LRRTM4: variants seen among roughly 807,000 people sequenced by gnomAD.
LRRTM4 encodes the protein leucine rich repeat transmembrane neuronal 4.
Under a neutral mutation model 47.6 loss-of-function variants are expected in LRRTM4, and 25 were observed. The observed-to-expected ratio is 0.53, with a 90% CI of 0.38 to 0.73. The LOEUF is 0.73. Ranked by LOEUF, LRRTM4 falls within the 30% of genes least tolerant of loss-of-function variation. LRRTM4 has a pLI of 0.00. For missense variants in LRRTM4, 638 were observed against 713.4 expected (o/e 0.89, Z 1.20); for synonymous variants, 311 against 269.5 (o/e 1.15, Z -1.51).
intron 3 of LRRTM4, among the ~76,000 whole-genome samples, chr2:77,439,165 C>G (rs749132163): frequency 2.1e-4 from 32 of 152,158 alleles, no homozygotes; most frequent in Non-Finnish European, 4.1e-4. Context: ...GCCTAAGATT[C>G]TGCACCTATA....
intron 3 of LRRTM4, among the ~76,000 whole-genome samples, chr2:77,091,778 C>G (rs1420382184): frequency 6.7e-6 from 1 of 150,198 alleles, no homozygotes; most frequent in African/African-American, 2.4e-5. Flanking sequence ...CAATCAAGCC[C>G]AAATTTCTTC....
intron 3 of LRRTM4, among the ~76,000 whole-genome samples, chr2:77,346,418 G>T (rs1671563970): frequency 6.6e-6 from 1 of 152,174 alleles, no homozygotes; most frequent in South Asian, 2.1e-4. Flanking sequence ...AGGTATATTT[G>T]CCAAAACAAT....
chr2:77,006,380 G>C (rs1027487381), intron 3 of LRRTM4, among the ~76,000 whole-genome samples: 1 of 152,102 alleles, frequency 6.6e-6, no homozygotes, highest in Non-Finnish European at 1.5e-5. Flanking sequence ...GATGTTCCCT[G>C]TGCTATGGTG....
chr2:77,417,895 A>T (rs999006826), intron 3 of LRRTM4, among the ~76,000 whole-genome samples: 1 of 152,158 alleles, frequency 6.6e-6, no homozygotes, highest in African/African-American at 2.4e-5. Flanking sequence ...CATGTACCCT[A>T]AAACTTAAAG....
At chr2:77,386,371 T>C (rs1673273761) in intron 3 of LRRTM4, among the ~76,000 whole-genome samples, 1 of 152,136 alleles carries the variant, frequency 6.6e-6, no homozygotes, top group African/African-American at 2.4e-5. Context: ...CAAAGAGAAA[T>C]GCTGTGATCG....
chr2:76,900,243 T>C (rs4422185), intron 3 of LRRTM4, among the ~76,000 whole-genome samples: 2,034 of 152,042 alleles, frequency 0.013, 20 homozygotes, highest in Middle Eastern at 0.044. Flanking sequence ...CAAAAACTAA[T>C]TGAAAAACCA....
chr2:77,102,899 T>C (rs1485149531), intron 3 of LRRTM4, among the ~76,000 whole-genome samples: 2 of 152,186 alleles, frequency 1.3e-5, no homozygotes, highest in African/African-American at 2.4e-5. Context: ...TGGCTGCTTT[T>C]GTACTATTAA....
intron 3 of LRRTM4, among the ~76,000 whole-genome samples, chr2:76,791,815 C>T (rs770524101): frequency 6.6e-6 from 1 of 152,100 alleles, no homozygotes; most frequent in Admixed American, 6.6e-5. Context: ...CAGTATTTGT[C>T]ACAGGAAATC....
At chr2:77,209,323 G>C (rs1674227699) in intron 3 of LRRTM4, among the ~76,000 whole-genome samples, 1 of 151,954 alleles carries the variant, frequency 6.6e-6, no homozygotes, top group Non-Finnish European at 1.5e-5. Context: ...TCAGAATTTG[G>C]GGAAAGTTAC....
chr2:77,073,177 GT>G (rs146281985), intron 3 of LRRTM4, among the ~76,000 whole-genome samples: 43 of 147,430 alleles, frequency 2.9e-4, no homozygotes, highest in Admixed American at 1.7e-3. Flanking sequence ...GTTCTTCAGT[GT>G]TTTTTTTTTC....
At chr2:77,444,727 T>A (rs1239391869) in intron 3 of LRRTM4, among the ~76,000 whole-genome samples, 2 of 152,182 alleles carry the variant, frequency 1.3e-5, no homozygotes, top group East Asian at 3.9e-4. Context: ...TTTATTAAAC[T>A]CACAGGTTAT....
chr2:77,141,640 C>T (rs1672126602), intron 3 of LRRTM4, among the ~76,000 whole-genome samples: 1 of 152,066 alleles, frequency 6.6e-6, no homozygotes. Flanking sequence ...TTAACTCTAT[C>T]ATTCCAAACT....
intron 3 of LRRTM4, among the ~76,000 whole-genome samples, chr2:77,325,271 A>C (rs1470432217): frequency 6.6e-6 from 1 of 152,188 alleles, no homozygotes; most frequent in African/African-American, 2.4e-5. Context: ...ATAGTTGAGC[A>C]CTTGGCAAAG....
intron 3 of LRRTM4, among the ~76,000 whole-genome samples, chr2:76,792,857 C>A (rs952040480): frequency 2.6e-5 from 4 of 152,116 alleles, no homozygotes; most frequent in African/African-American, 4.8e-5. Context: ...TAAACTGGAG[C>A]GAGATCACTC....
chr2:76,849,219 T>G (rs1671922984), intron 3 of LRRTM4, among the ~76,000 whole-genome samples: 1 of 152,114 alleles, frequency 6.6e-6, no homozygotes, highest in Non-Finnish European at 1.5e-5. Flanking sequence ...AAAAGTAGGT[T>G]GAGCCAAGGA....
intron 3 of LRRTM4, among the ~76,000 whole-genome samples, chr2:77,237,032 C>T (rs573822781): frequency 2.6e-5 from 4 of 151,976 alleles, no homozygotes; most frequent in East Asian, 1.9e-4. Context: ...ATGATGCTGG[C>T]TTCATGGAAT....
chr2:77,063,883 A>C (rs1165731495), intron 3 of LRRTM4, among the ~76,000 whole-genome samples: 1 of 152,162 alleles, frequency 6.6e-6, no homozygotes, highest in East Asian at 1.9e-4. Context: ...GACATTGAGA[A>C]TATTTCACTA....
rs1231956174 is a variant in LRRTM4, at chr2:77,518,377, T to C, written c.1492A>G (p.Ile498Val). The stretch of plus-strand genomic sequence containing the variant: ...CAGGGCCCAGATCCATTAACCGATA[T>C]ATCCATGGTCTCAGAGTTTGTAGGC... ...YKPTNSETMD[I>V]SVNGSGPCTY... Residue 498 changes from isoleucine to valine, a missense_variant, in exon 3 of 4, where the codon ATA (isoleucine) becomes GTA (valine). Physicochemically the swap from Ile to Val is conservative, Grantham distance 29 (BLOSUM62 3). Coordinates refer to ENST00000409884, the MANE Select transcript of LRRTM4 (RefSeq NM_001134745.3). 17 of 1,612,800 alleles carry C rather than the reference T, an allele frequency of 1.1e-5. No individual in the cohort carries two copies. Among genetic ancestry groups the C allele is most frequent in the Admixed American group, 1.7e-5 (1 of 59,802 alleles).
rs143924650 is a variant in LRRTM4 at position 77,469,921 on chromosome 2, A to G, written c.1551+48397T>C. Among the ~76,000 whole-genome samples the G allele has an allele frequency of 5.0e-4, 76 of 152,294 alleles. 1 individual carries two copies. In the East Asian group the frequency reaches 0.013, roughly 27 times the overall value. On this transcript the variant is annotated intron_variant, in intron 3 of 3. Transcript: ENST00000409884. ...ATTTTTAAGTGATTATTAGTTTAAT[A>G]TGGTAGTTAATTTAAACAAAGACTT...
Sources: allele counts gnomAD v4.1 joint callset (sites outside exome capture counted in the v4.1 genomes callset), GRCh38; gene constraint gnomAD v4.1.1; transcripts MANE v1.5; gene names NCBI Gene and HGNC (gene_info 2026-07-23, HGNC 2026-07-21).